The following CDH11 variants were observed in gnomAD, a reference collection of about 807,000 sequenced individuals.
CDH11 encodes cadherin 11.
CDH11 carries 11 observed loss-of-function variants against 67.8 expected under a neutral mutation model. The observed-to-expected ratio is 0.16, with a 90% CI of 0.10 to 0.27. The LOEUF is 0.27. Ranked by LOEUF, CDH11 falls within the 10% of genes least tolerant of loss-of-function variation. CDH11 has a pLI of 1.00. For missense variants in CDH11, 847 were observed against 1,031.2 expected, an observed-to-expected ratio of 0.82 and a Z score of 2.45; for synonymous variants, 419 against 400.0, an observed-to-expected ratio of 1.05 and a Z score of -0.57.
chr16:65,007,901 C>T (rs1248314161), intron 2 of CDH11, among the ~76,000 whole-genome samples: 3 of 152,106 alleles, frequency 2.0e-5, no homozygotes, highest in Non-Finnish European at 2.9e-5. Context: ...TTGAATCTCA[C>T]ATTTCAACTC....
chr16:64,999,803 G>A (rs2072873310), intron 3 of CDH11, among the ~76,000 whole-genome samples: 2 of 152,138 alleles, frequency 1.3e-5, no homozygotes, highest in African/African-American at 2.4e-5. Context: ...CCAAAGTGCT[G>A]GGATTACACA....
At position 65,108,872 on chromosome 16, in the gene CDH11, C is replaced by T. The variant is rs1361438105; in HGVS notation, c.-298+13008G>A. On this transcript the variant is annotated intron_variant, in intron 1 of 12. Coordinates refer to ENST00000268603, the MANE Select transcript of CDH11 (RefSeq NM_001797.4). Reference sequence around the variant, plus strand: ...CACATAGAAATTGAAATGAGCTGGGCACAGTGGCTCACACCTATAATCCCA... The same window carrying T: ...CACATAGAAATTGAAATGAGCTGGGTACAGTGGCTCACACCTATAATCCCA... Among the ~76,000 whole-genome samples the T allele has an allele frequency of 5.3e-5, 8 of 152,184 alleles. No homozygotes were observed. In the South Asian group the frequency reaches 1.7e-3, roughly 32 times the overall value.
intron 11 of CDH11, among the ~76,000 whole-genome samples, chr16:64,967,567 A>G (rs990061512): frequency 6.6e-6 from 1 of 152,234 alleles, no homozygotes; most frequent in Non-Finnish European, 1.5e-5. Context: ...GTCAACTGAT[A>G]TTATATATCC....
chr16:65,046,197 C>A (rs2073959575), intron 2 of CDH11, among the ~76,000 whole-genome samples: 1 of 152,200 alleles, frequency 6.6e-6, no homozygotes, highest in Non-Finnish European at 1.5e-5. Context: ...TTGACTCTGA[C>A]AAGCTGAACA....
intron 9 of CDH11, 53 bp downstream of exon 9, chr16:64,972,851 T>A: frequency 6.3e-7 from 1 of 1,588,842 alleles, no homozygotes; most frequent in Non-Finnish European, 8.6e-7. Flanking sequence ...ATATAGAGTC[T>A]GAAGCGATAA....
Position 64,950,935 on chromosome 16 carries a change from C to T in CDH11, c.1726G>A (p.Asp576Asn), listed in dbSNP as rs1567483357. ...CTACTCATGGGCGGGATGCCGCCAT[C>T]GCTGATCACTATGGGCAGAAGGTAC... is the stretch of plus-strand genomic sequence containing the variant. ...DLYLLPIVISDGGIPPMSSTN... is the reference protein window; with the variant it reads ...DLYLLPIVISNGGIPPMSSTN... Residue 576 changes from aspartate to asparagine, a missense_variant, in exon 12 of 13, where the codon GAT becomes AAT. Asp to Asn is a conservative substitution (Grantham distance 23, BLOSUM62 1). Around this residue, in one of 2 missense-constraint regions of CDH11, gnomAD observed 612 missense variants for 678.7 expected, o/e 0.90. Transcript: ENST00000268603. 1 of 1,614,204 alleles carries T rather than the reference C, an allele frequency of 6.2e-7. No individual in the cohort carries two copies. The highest frequency in any genetic ancestry group is 1.1e-5 in the South Asian group (1 of 91,082).
intron 1 of CDH11, among the ~76,000 whole-genome samples, chr16:65,086,068 C>T (rs1278097829): frequency 6.6e-6 from 1 of 151,864 alleles, no homozygotes; most frequent in African/African-American, 2.4e-5. Context: ...CCATTACCTT[C>T]CTGGTAGAAC....
chr16:64,974,194 A>G (rs567873571), intron 8 of CDH11, among the ~76,000 whole-genome samples: 41 of 151,404 alleles, frequency 2.7e-4, no homozygotes, highest in African/African-American at 9.2e-4. Flanking sequence ...TTGAACTCCA[A>G]ACCCCTTCCC....
chr16:65,032,471 C>G (rs1361896410), intron 2 of CDH11, among the ~76,000 whole-genome samples: 2 of 151,814 alleles, frequency 1.3e-5, no homozygotes, highest in Non-Finnish European at 2.9e-5. Flanking sequence ...GCCTAGGTGA[C>G]AGGATGAGGA....
intron 8 of CDH11, among the ~76,000 whole-genome samples, chr16:64,980,140 T>TA (rs1204190567): frequency 3.3e-5 from 5 of 152,198 alleles, no homozygotes; most frequent in Admixed American, 2.6e-4. Context: ...ATTCTGGAAT[T>TA]AGACAGTGGT....
At chr16:65,067,830 G>A (rs1488956605) in intron 1 of CDH11, among the ~76,000 whole-genome samples, 1 of 136,092 alleles carries the variant, frequency 7.3e-6, no homozygotes, top group Non-Finnish European at 1.6e-5. Flanking sequence ...GAGAGAGAAA[G>A]GAACAGAGGG....
chr16:64,984,952 A>T (rs910137444), intron 7 of CDH11: 1 of 152,242 alleles, frequency 6.6e-6, no homozygotes, highest in Admixed American at 6.5e-5. Context: ...AATATTAAAA[A>T]TGCCTTATAA....
At chr16:65,108,401 T>C (rs958335288) in intron 1 of CDH11, among the ~76,000 whole-genome samples, 17 of 152,212 alleles carry the variant, frequency 1.1e-4, no homozygotes, top group African/African-American at 4.1e-4. Context: ...TTGCAATTTT[T>C]ACTCTAAGAT....
At chr16:64,987,153 T>C (rs1427756677) in intron 7 of CDH11, 4 of 152,174 alleles carry the variant, frequency 2.6e-5, no homozygotes, top group East Asian at 1.9e-4. Context: ...ACTTTCATGA[T>C]GGAGAGGTGT....
At chr16:64,985,634 A>T (rs532309463) in intron 7 of CDH11, 1 of 151,740 alleles carries the variant, frequency 6.6e-6, no homozygotes, top group South Asian at 2.1e-4. Context: ...TCAATTTTCA[A>T]CTGGGGAGTG....
chr16:65,081,951 G>A (rs1260919518), intron 1 of CDH11, among the ~76,000 whole-genome samples: 1 of 152,072 alleles, frequency 6.6e-6, no homozygotes, highest in East Asian at 1.9e-4. Context: ...GAGAAAAGGT[G>A]CTGAGGACTG....
chr16:64,997,067 G>C (rs1221053297), intron 4 of CDH11, among the ~76,000 whole-genome samples: 1 of 151,916 alleles, frequency 6.6e-6, no homozygotes, highest in Non-Finnish European at 1.5e-5. Context: ...GGGAGGCTGA[G>C]GTGGGTGGAT....
intron 8 of CDH11, 96 bp from the exon 9 acceptor site, chr16:64,973,136 A>G: frequency 8.7e-7 from 1 of 1,155,866 alleles, no homozygotes; most frequent in Non-Finnish European, 1.2e-6. Flanking sequence ...CAAGCTTCTC[A>G]ATGAATTACT....
intron 2 of CDH11, among the ~76,000 whole-genome samples, chr16:65,044,121 G>T (rs151042407): frequency 6.6e-6 from 1 of 152,180 alleles, no homozygotes; most frequent in Non-Finnish European, 1.5e-5. Context: ...GCTCTCAGCA[G>T]CAGAAGGCAG....
Sources: allele counts gnomAD v4.1 joint callset (sites outside exome capture counted in the v4.1 genomes callset), GRCh38; gene constraint gnomAD v4.1.1; regional missense constraint gnomAD v4.1.1; transcripts MANE v1.5; gene names NCBI Gene and HGNC (gene_info 2026-07-23, HGNC 2026-07-21).